ZNF888: variants seen among roughly 807,000 people sequenced by gnomAD.
ZNF888 encodes CTD-2331H12.6.
A neutral mutation model predicts 7.2 loss-of-function variants in ZNF888; 5 were observed. The ratio of observed to expected loss-of-function variants is 0.70; its 90% confidence interval spans 0.36 to 1.46. The LOEUF is 1.46. ZNF888 is among the 40% of genes most tolerant of loss of function. The pLI is 0.03. For missense variants in ZNF888, 716 were observed against 858.0 expected, an observed-to-expected ratio of 0.83 and a Z score of 2.07; for synonymous variants, 240 against 284.3, an observed-to-expected ratio of 0.84 and a Z score of 1.57.
At chr19:52,914,123 A>G (rs1327820364) in intron 4 of ZNF888, among the ~76,000 whole-genome samples, 2 of 152,206 alleles carry the variant, frequency 1.3e-5, no homozygotes, top group African/African-American at 2.4e-5. Context: ...AGACTCTGTC[A>G]TAAGAAAAGA....
intron 3 of ZNF888, among the ~76,000 whole-genome samples, chr19:52,916,380 A>G (rs373683054): frequency 3.1e-4 from 47 of 152,176 alleles, no homozygotes; most frequent in African/African-American, 1.1e-3. Flanking sequence ...TCACAAAATA[A>G]TAAAACCTAC....
rs2064606239 is a variant in ZNF888, at chr19:52,906,261, C to T, written c.2061G>A (p.Glu687=). The change falls in exon 5 of 5, where the codon GAG becomes GAA. Residue 687 remains glutamate (E), a synonymous_variant. Transcript: ENST00000638862. Reference sequence around the variant, plus strand: ...CACACTCACTACACTTGAAAGGTTTCTCTCCAGTATGAATTCTAGTATGTT... The same window carrying T: ...CACACTCACTACACTTGAAAGGTTTTTCTCCAGTATGAATTCTAGTATGTT... The part of the protein sequence containing the change: ...LAQHTRIHTG[E]KPFKCSECGK... 6.2e-7 allele frequency: 1 copy of T among 1,611,834 alleles called. No individual in the cohort carries two copies. The highest frequency in any genetic ancestry group is 8.5e-7 in the Non-Finnish European group (1 of 1,178,746).
intron 1 of ZNF888, chr19:52,921,757 G>A (rs2064824495): frequency 2.1e-6 from 1 of 483,658 alleles, no homozygotes; most frequent in Non-Finnish European, 2.7e-6. Context: ...GAGGAACCCC[G>A]TTTCTACTGA....
chr19:52,919,629 G>C (rs1485757829), intron 1 of ZNF888, among the ~76,000 whole-genome samples: 1 of 69,890 alleles, frequency 1.4e-5, no homozygotes, highest in African/African-American at 4.5e-5. Flanking sequence ...AGTCTGGAAA[G>C]TGAGGAGCGT....
intron 3 of ZNF888, chr19:52,917,448 T>A: frequency 4.1e-6 from 2 of 484,768 alleles, no homozygotes; most frequent in East Asian, 7.0e-5. Context: ...TTTCCTCTTA[T>A]CGGTCTTTTC....
At chr19:52,908,327 C>A (rs561373117) in intron 4 of ZNF888, 148 bp from the exon 5 acceptor site, 13 of 782,432 alleles carry the variant, frequency 1.7e-5, no homozygotes, top group African/African-American at 1.2e-4. Flanking sequence ...GAGGAAGATC[C>A]TTTAATAAAT....
In ZNF888 at chr19:52,906,271, T is replaced by C; in HGVS notation, c.2051A>G (p.His684Arg). 1.2e-6 allele frequency: 2 copies of C among 1,612,414 alleles called. No individual in the cohort carries two copies. Among genetic ancestry groups the C allele is most frequent in the Non-Finnish European group, 1.7e-6 (2 of 1,179,036 alleles). ...ACACTTGAAAGGTTTCTCTCCAGTA[T>C]GAATTCTAGTATGTTGTGCCAGGTG... ...YSHLAQHTRI[H>R]TGEKPFKCSE... Residue 684 changes from histidine to arginine, a missense_variant, in exon 5 of 5, where the codon CAT (histidine) becomes CGT (arginine). By Grantham distance (29) the His-to-Arg change is conservative (BLOSUM62 0). This residue lies in a region of ZNF888 where 697 missense variants were observed against 803.4 expected (regional missense o/e 0.87). Coordinates refer to ENST00000638862, the MANE Select transcript of ZNF888 (RefSeq NM_001393938.1).
Position 52,907,446 on chromosome 19 carries a change from A to G in ZNF888, c.876T>C (p.His292=). 6.2e-7 allele frequency: 1 copy of G among 1,610,200 alleles called. No homozygotes were observed. The highest frequency in any genetic ancestry group is 1.1e-5 in the South Asian group (1 of 90,516). ...KAYLARHYRR[H]TGEKPYKCNE... ...TACACTTGTAAGGTTTTTCTCCAGTATGACGTCTATAATGACGTGCAAGGT... is the reference window on the plus strand; with the variant it reads ...TACACTTGTAAGGTTTTTCTCCAGTGTGACGTCTATAATGACGTGCAAGGT... The change falls in exon 5 of 5, where the codon CAT becomes CAC. Residue 292 remains histidine (H), a synonymous_variant. Coordinates refer to ENST00000638862, the MANE Select transcript of ZNF888 (RefSeq NM_001393938.1).
chr19:52,907,182 T>A lies in ZNF888; in HGVS notation c.1140A>T (p.Lys380Asn). Residue 380 changes from lysine to asparagine, a missense_variant, in exon 5 of 5, where the codon AAA becomes AAT. Transcript: ENST00000638862. ...ERHRRIHTGE[K>N]PYKCKVCDKA... is the part of the protein sequence containing the mutation. The stretch of plus-strand genomic sequence containing the variant: ...TGTCACAAACCTTACATTTGTATGG[T>A]TTCTCACCAGTGTGAATTCTCCTAT... 1 of 1,613,420 alleles carries A rather than the reference T, an allele frequency of 6.2e-7. No individual in the cohort carries two copies. Among genetic ancestry groups the A allele is most frequent in the South Asian group, 1.1e-5 (1 of 91,062 alleles).
intron 4 of ZNF888, among the ~76,000 whole-genome samples, chr19:52,909,625 A>G (rs2064653417): frequency 6.6e-6 from 1 of 152,104 alleles, no homozygotes; most frequent in Admixed American, 6.5e-5. Flanking sequence ...AAAATCATAA[A>G]ATCAATTAAT....
At chr19:52,911,342 CTT>C (rs200448605) in intron 4 of ZNF888, among the ~76,000 whole-genome samples, 1,884 of 143,302 alleles carry the variant, frequency 0.013, 40 homozygotes, top group African/African-American at 0.044. Flanking sequence ...GTTTTCTTTT[CTT>C]TTTTTTTTTT....
At chr19:52,921,731 C>T in intron 1 of ZNF888, 2 of 763,710 alleles carry the variant, frequency 2.6e-6, no homozygotes, top group Non-Finnish European at 3.2e-6. Flanking sequence ...AATTGTAGAC[C>T]AGCCTGACCT....
intron 1 of ZNF888, among the ~76,000 whole-genome samples, chr19:52,920,527 G>GA (rs2064814072): frequency 1.1e-4 from 2 of 18,252 alleles, no homozygotes; most frequent in Non-Finnish European, 2.0e-4. Context: ...GAAAAAAAAA[G>GA]AAAAGGAAAA....
Position 52,907,475 on chromosome 19 carries a change from C to T in ZNF888, c.847G>A (p.Ala283Thr). The T allele has an allele frequency of 6.2e-7, 1 of 1,602,906 alleles. No individual in the cohort carries two copies. Among genetic ancestry groups the T allele is most frequent in the Non-Finnish European group, 8.5e-7 (1 of 1,175,360 alleles). Residue 283 changes from alanine to threonine, a missense_variant, in exon 5 of 5, where the codon GCA (alanine) becomes ACA (threonine). Ala to Thr is a moderately conservative substitution (Grantham distance 58). Coordinates refer to ENST00000638862, the MANE Select transcript of ZNF888 (RefSeq NM_001393938.1). The stretch of plus-strand genomic sequence containing the variant: ...CGTCTATAATGACGTGCAAGGTATG[C>T]TTTTTTATTAAAAACCTTGCCACAT... ...NKCGKVFNKK[A>T]YLARHYRRHT...
rs67843514 is a variant in ZNF888 at position 52,916,615 on chromosome 19, C to CATAT, written c.15+1240_15+1243dup. ...TATTATATACATACATATACATATA[C>CATAT]ATATATATATATATATATATATATA... On this transcript the variant is annotated intron_variant, in intron 3 of 4. Coordinates refer to ENST00000638862, the MANE Select transcript of ZNF888 (RefSeq NM_001393938.1). Among the ~76,000 whole-genome samples, 314 of 131,428 alleles carry CATAT rather than the reference C, an allele frequency of 2.4e-3. 3 individuals carry two copies. The highest frequency in any genetic ancestry group is 8.4e-3 in the East Asian group (38 of 4,522). 86.2% of individuals were successfully genotyped at this position (131,428 alleles called of 152,430 possible).
intron 1 of ZNF888, chr19:52,921,723 T>C (rs79557402): frequency 0.069 from 58,856 of 852,078 alleles, 2,282 homozygotes; most frequent in African/African-American, 0.12. Context: ...AGTTCAGCAA[T>C]TGTAGACCAG....
At position 52,909,077 on chromosome 19, in the gene ZNF888, G is replaced by A. The variant is rs188201280; in HGVS notation, c.143-898C>T. 2.2e-3 allele frequency among the ~76,000 whole-genome samples: 328 copies of A among 149,704 alleles called. 1 individual carries two copies. The highest frequency in any genetic ancestry group is 0.022 in the Middle Eastern group (6 of 276). ...GGAGAATTGCTTGAACCCGGGAGGCGAAGATAGTGGTAAACTGAGATCGCA... is the reference window on the plus strand; with the variant it reads ...GGAGAATTGCTTGAACCCGGGAGGCAAAGATAGTGGTAAACTGAGATCGCA... On this transcript the variant is annotated intron_variant, in intron 4 of 4. Transcript: ENST00000638862.
intron 2 of ZNF888, among the ~76,000 whole-genome samples, 186 bp downstream of exon 2, chr19:52,918,633 G>A (rs866089765): frequency 6.6e-6 from 1 of 152,270 alleles, no homozygotes; most frequent in East Asian, 1.9e-4. Flanking sequence ...GCCAGGCTTT[G>A]TGGGCATCTG....
At position 52,910,149 on chromosome 19, in the gene ZNF888, CAAAAAAAAAAA is replaced by C. The variant is rs71335690; in HGVS notation, c.143-1981_143-1971del. Among the ~76,000 whole-genome samples the C allele has an allele frequency of 5.4e-3, 456 of 83,934 alleles. 1 individual carries two copies. The highest frequency in any genetic ancestry group is 9.9e-3 in the Non-Finnish European group (336 of 33,932). The allele number at this position is 83,934 out of a possible 152,430, so 55.1% of individuals were successfully genotyped here. ...TGGGGACTAGAGCGAGACTTCGTCT[CAAAAAAAAAAA>C]AAAAAAAAAAAAAAAAAGAACTGAA... is the stretch of plus-strand genomic sequence containing the variant. On this transcript the variant is annotated intron_variant, in intron 4 of 4. Coordinates refer to ENST00000638862, the MANE Select transcript of ZNF888 (RefSeq NM_001393938.1).
Sources: allele counts gnomAD v4.1 joint callset (sites outside exome capture counted in the v4.1 genomes callset), GRCh38; gene constraint gnomAD v4.1.1; regional missense constraint gnomAD v4.1.1; transcripts MANE v1.5; gene names NCBI Gene and HGNC (gene_info 2026-07-23, HGNC 2026-07-21).